Variants in LGR6 observed in about 807,000 individuals in gnomAD.
LGR6 encodes leucine rich repeat containing G protein-coupled receptor 6, also known as leucine-rich repeat-containing G protein-coupled receptor 6.
A neutral mutation model predicts 69.4 loss-of-function variants in LGR6; 45 were observed. That is an observed-to-expected ratio of 0.65 (90% CI 0.51 to 0.83). LGR6 has a LOEUF of 0.83. Ranked by LOEUF, LGR6 falls within the 40% of genes least tolerant of loss-of-function variation. The pLI is 0.00. For synonymous variants in LGR6, 538 were observed against 555.0 expected (o/e 0.97, Z 0.43); for missense variants, 1,108 against 1,246.7 (o/e 0.89, Z 1.68).
At chr1:202,205,410 C>CCACACACATACCTAACACACACCTCCTT (rs1659148276) in intron 1 of LGR6, among the ~76,000 whole-genome samples, 6 of 9,666 alleles carry the variant, frequency 6.2e-4, no homozygotes, top group African/African-American at 1.6e-3. Flanking sequence ...ACACACACCT[C>CCACACACATACCTAACACACACCTCCTT]CAAACACACA....
At chr1:202,205,136 A>G (rs906857725) in intron 1 of LGR6, among the ~76,000 whole-genome samples, 51 of 108,990 alleles carry the variant, frequency 4.7e-4, no homozygotes, top group Admixed American at 8.6e-4. Flanking sequence ...CCTCCTTCAA[A>G]CACACACACA....
chr1:202,230,485 C>T (rs1342214415), intron 3 of LGR6, among the ~76,000 whole-genome samples: 2 of 152,222 alleles, frequency 1.3e-5, no homozygotes, highest in African/African-American at 4.8e-5. Flanking sequence ...CGGCTCAGCA[C>T]TGGAGCTGTG....
intron 1 of LGR6, among the ~76,000 whole-genome samples, chr1:202,198,011 C>T (rs1396325954): frequency 6.6e-5 from 10 of 152,194 alleles, no homozygotes; most frequent in Non-Finnish European, 1.5e-4. Context: ...AGGGAGGGGC[C>T]GCTACACCAA....
intron 6 of LGR6, among the ~76,000 whole-genome samples, chr1:202,296,517 C>T (rs1014880690): frequency 2.0e-5 from 3 of 152,216 alleles, no homozygotes; most frequent in African/African-American, 7.2e-5. Context: ...TTCCCCGGGG[C>T]TCCCCTGCCT....
Position 202,268,646 on chromosome 1 carries a change from G to A in LGR6, c.429-7660G>A, listed in dbSNP as rs1664865610. Among the ~76,000 whole-genome samples, 4 of 152,106 alleles carry A rather than the reference G, an allele frequency of 2.6e-5. No individual in the cohort carries two copies. The highest frequency in any genetic ancestry group is 1.9e-4 in the East Asian group (1 of 5,188). On this transcript the variant is annotated intron_variant, in intron 4 of 17. Coordinates refer to ENST00000367278, the MANE Select transcript of LGR6 (RefSeq NM_001017403.2). The surrounding 1 kb of genome is among the most constrained non-coding windows in gnomAD (Gnocchi z 4.4). ...AGAGATGAAAACCAGCCCTGGGGTC[G>A]GCCAGGAGCAAACAATCAGTAATCC... is the stretch of plus-strand genomic sequence containing the variant.
rs540771781 is a variant in LGR6, at chr1:202,261,193, A to G, written c.429-15113A>G. 1.5e-4 allele frequency among the ~76,000 whole-genome samples: 23 copies of G among 151,246 alleles called. No individual in the cohort carries two copies. The South Asian group carries it at 4.4e-3, about 29-fold the overall frequency. On this transcript the variant is annotated intron_variant, in intron 4 of 17. Coordinates refer to ENST00000367278, the MANE Select transcript of LGR6 (RefSeq NM_001017403.2). ...GGTGTGCTACACCCATTAACTTGTC[A>G]TTTAGCATTAGGTATATCTCCTAAT...
chr1:202,201,968 G>T (rs1337337120), intron 1 of LGR6, among the ~76,000 whole-genome samples: 1 of 152,198 alleles, frequency 6.6e-6, no homozygotes, highest in East Asian at 1.9e-4. Flanking sequence ...CCAGCCAGGT[G>T]CACGTGAGAA....
chr1:202,249,207 G>T (rs933470401), intron 4 of LGR6, among the ~76,000 whole-genome samples: 1 of 152,150 alleles, frequency 6.6e-6, no homozygotes, highest in African/African-American at 2.4e-5. Flanking sequence ...CTGATAAGGT[G>T]CTTTCCAGCC....
At chr1:202,213,650 G>A (rs1339361719) in intron 1 of LGR6, among the ~76,000 whole-genome samples, 1 of 152,214 alleles carries the variant, frequency 6.6e-6, no homozygotes, top group Admixed American at 6.5e-5. Flanking sequence ...TGCAGGTGAG[G>A]AGAGGGATGT....
chr1:202,308,890 C>T (rs1653483513), intron 14 of LGR6, among the ~76,000 whole-genome samples, 161 bp from the exon 15 acceptor site: 1 of 152,166 alleles, frequency 6.6e-6, no homozygotes, highest in South Asian at 2.1e-4. Flanking sequence ...CTTGGCTGCC[C>T]TCCTCCCTCG....
chr1:202,222,068 C>G (rs561128725), intron 1 of LGR6, among the ~76,000 whole-genome samples: 1 of 152,376 alleles, frequency 6.6e-6, no homozygotes, highest in South Asian at 2.1e-4. Context: ...TGCCAGGGCT[C>G]TTAGCCATTC....
At chr1:202,218,208 G>C (rs980534484) in intron 1 of LGR6, among the ~76,000 whole-genome samples, 1 of 152,212 alleles carries the variant, frequency 6.6e-6, no homozygotes, top group Admixed American at 6.5e-5. Context: ...CTCTGAGTCT[G>C]TTCCTGCACT....
chr1:202,267,698 T>A (rs1236598168), intron 4 of LGR6, among the ~76,000 whole-genome samples: 1 of 152,138 alleles, frequency 6.6e-6, no homozygotes, highest in Non-Finnish European at 1.5e-5. Flanking sequence ...GGCAATTAGC[T>A]CCTTCTCAAT....
chr1:202,285,220 G>A (rs912442132), intron 6 of LGR6, among the ~76,000 whole-genome samples: 1 of 152,194 alleles, frequency 6.6e-6, no homozygotes, highest in African/African-American at 2.4e-5. Context: ...CTCTGTGTGT[G>A]TCTTTGAAAC....
chr1:202,257,699 G>T (rs1663888696), intron 4 of LGR6, among the ~76,000 whole-genome samples: 2 of 152,118 alleles, frequency 1.3e-5, no homozygotes, highest in South Asian at 4.1e-4. Flanking sequence ...TACCATATAG[G>T]GCTATATGGT....
chr1:202,258,770 A>G (rs1663991753), intron 4 of LGR6, among the ~76,000 whole-genome samples: 1 of 152,022 alleles, frequency 6.6e-6, no homozygotes, highest in Non-Finnish European at 1.5e-5. Flanking sequence ...TATTATTTGT[A>G]AGTAATAATT....
At position 202,318,516 on chromosome 1, in the gene LGR6, T is replaced by C; in HGVS notation, c.2213T>C (p.Met738Thr). 1 of 1,614,048 alleles carries C rather than the reference T, an allele frequency of 6.2e-7. No individual in the cohort carries two copies. Among genetic ancestry groups the C allele is most frequent in the South Asian group, 1.1e-5 (1 of 91,084 alleles). Reference protein sequence around the residue: ...AALGFTVALVMMNSFCFLVVA... With the variant: ...AALGFTVALVTMNSFCFLVVA... ...CTGGGCTTCACCGTGGCCCTGGTGA[T>C]GATGAACTCCTTCTGTTTCCTGGTC... The change falls in exon 18 of 18, where the codon ATG (methionine) becomes ACG (threonine). Residue 738 changes from methionine to threonine, a missense_variant. Physicochemically the swap from Met to Thr is moderately conservative, Grantham distance 81. Coordinates refer to ENST00000367278, the MANE Select transcript of LGR6 (RefSeq NM_001017403.2).
intron 6 of LGR6, among the ~76,000 whole-genome samples, chr1:202,289,869 T>C (rs1666667840): frequency 6.6e-6 from 1 of 152,208 alleles, no homozygotes; most frequent in Admixed American, 6.5e-5. Context: ...AATTTCTGTG[T>C]TTTGCATTTC....
At chr1:202,203,815 A>G (rs72746693) in intron 1 of LGR6, 108,563 of 1,613,456 alleles carry the variant, frequency 0.067, 4,688 homozygotes, top group Admixed American at 0.19. Context: ...CCCACAGGCC[A>G]AGGAATGGGA....
Sources: allele counts gnomAD v4.1 joint callset (sites outside exome capture counted in the v4.1 genomes callset), GRCh38; gene constraint gnomAD v4.1.1; non-coding constraint Gnocchi (gnomAD v3.1); transcripts MANE v1.5; gene names NCBI Gene and HGNC (gene_info 2026-07-23, HGNC 2026-07-21).